Variants in BCL2L1 observed in about 807,000 individuals in gnomAD.
BCL2L1 encodes bcl-2-like protein 1.
BCL2L1 carries 1 observed loss-of-function variant against 18.7 expected under a neutral mutation model. The ratio of observed to expected loss-of-function variants is 0.05; its 90% CI spans 0.02 to 0.25. BCL2L1 has a LOEUF of 0.25. BCL2L1 is among the 10% of genes least tolerant of loss of function. The probability of loss-of-function intolerance (pLI) is 1.00; values close to 1 mark genes in which losing one functional copy is unlikely to be tolerated. For missense variants in BCL2L1, 207 were observed against 304.9 expected (o/e 0.68, Z 2.39); for synonymous variants, 103 against 122.7 (o/e 0.84, Z 1.06).
chr20:31,677,286 A>T (rs909547863), intron 2 of BCL2L1, among the ~76,000 whole-genome samples: 13 of 150,212 alleles, frequency 8.7e-5, no homozygotes, highest in Non-Finnish European at 1.5e-4. Flanking sequence ...CGTTCAAGTG[A>T]TTCTTCTGCC....
chr20:31,710,326 T>C (rs971591250), intron 2 of BCL2L1, among the ~76,000 whole-genome samples: 2 of 152,064 alleles, frequency 1.3e-5, no homozygotes, highest in Non-Finnish European at 2.9e-5. Flanking sequence ...ATCAGATCCA[T>C]AGGATGAGTG....
At position 31,721,912 on chromosome 20, in the gene BCL2L1, G is replaced by A. The variant is rs2122875603; in HGVS notation, c.307C>T (p.Arg103Trp). 1 of 1,614,150 alleles carries A rather than the reference G, an allele frequency of 6.2e-7. No individual in the cohort carries two copies. Among genetic ancestry groups the A allele is most frequent in the Non-Finnish European group, 8.5e-7 (1 of 1,180,030 alleles). ...TGGGATGTCAGGTCACTGAATGCCCGCCGGTACCGCAGTTCAAACTCGTCG... is the reference window on the plus strand; with the variant it reads ...TGGGATGTCAGGTCACTGAATGCCCACCGGTACCGCAGTTCAAACTCGTCG... Reference protein sequence around the residue: ...AGDEFELRYRRAFSDLTSQLH... With the variant: ...AGDEFELRYRWAFSDLTSQLH... The change falls in exon 2 of 3, where the codon CGG (arginine) becomes TGG (tryptophan). Residue 103 changes from arginine (R) to tryptophan (W), a missense_variant. Physicochemically the swap from Arg to Trp is moderately radical, Grantham distance 101 (BLOSUM62 -3). Coordinates refer to ENST00000307677, the MANE Select transcript of BCL2L1 (RefSeq NM_138578.3).
intron 2 of BCL2L1, among the ~76,000 whole-genome samples, chr20:31,712,054 T>C (rs1313864493): frequency 6.6e-6 from 1 of 152,072 alleles, no homozygotes; most frequent in Non-Finnish European, 1.5e-5. Flanking sequence ...GGCTTCAGAG[T>C]AAGAGAGACC....
At chr20:31,723,461 G>C, upstream of BCL2L1, 1 of 985,348 alleles carries the variant, frequency 1.0e-6, no homozygotes, top group South Asian at 4.7e-5. Context: ...TCCGGGGCCG[G>C]GGGCTGCACC....
rs1243372307 is a variant in BCL2L1 at position 31,665,901 on chromosome 20, T to C, written c.*48A>G. On this transcript the variant is annotated 3_prime_UTR_variant, in exon 3 of 3. Coordinates refer to ENST00000307677, the MANE Select transcript of BCL2L1 (RefSeq NM_138578.3). ...AATGGCGGCTGGACGGAGGATGTGG[T>C]GGAGCAGAGAAGGGGGTGGGAGGGT... The C allele has an allele frequency of 1.1e-5, 18 of 1,599,308 alleles. No individual in the cohort carries two copies. The highest frequency in any genetic ancestry group is 1.5e-5 in the Non-Finnish European group (18 of 1,171,604).
chr20:31,712,735 C>G (rs1404009771), intron 2 of BCL2L1, among the ~76,000 whole-genome samples: 1 of 152,172 alleles, frequency 6.6e-6, no homozygotes, highest in East Asian at 1.9e-4. Flanking sequence ...CACTATGTTC[C>G]TATCCCTGCC....
At chr20:31,720,458 G>T in intron 2 of BCL2L1, 1 of 859,784 alleles carries the variant, frequency 1.2e-6, no homozygotes, top group Non-Finnish European at 1.4e-6. Context: ...CTGCACCTCC[G>T]CTAGGTAGGG....
At chr20:31,705,000 C>T (rs6060812) in intron 2 of BCL2L1, among the ~76,000 whole-genome samples, 44,228 of 151,934 alleles carry the variant, frequency 0.29, 8,071 homozygotes, top group African/African-American at 0.51. Flanking sequence ...GTGGATAGAC[C>T]AAAAACTACA....
chr20:31,721,409 A>C lies in BCL2L1; in HGVS notation c.564+246T>G, dbSNP rs896603232. On this transcript the variant is annotated intron_variant, in intron 2 of 2. Transcript: ENST00000307677. The stretch of plus-strand genomic sequence containing the variant: ...GTTTTCTTTGCTGAGAAACTGGAAC[A>C]CAAGTATGGAATAGTGGAGTCATGG... The C allele has an allele frequency of 4.8e-5, 24 of 502,706 alleles. No individual in the cohort carries two copies. In the Admixed American group the frequency reaches 5.6e-4, roughly 12 times the overall value. 31.1% of individuals were successfully genotyped at this position (502,706 alleles called of 1,614,324 possible). A position where few individuals can be genotyped will look rare whatever the true frequency, so the allele number is the denominator to read the frequency against.
At chr20:31,701,930 A>C (rs980058123) in intron 2 of BCL2L1, among the ~76,000 whole-genome samples, 1 of 152,244 alleles carries the variant, frequency 6.6e-6, no homozygotes, top group Non-Finnish European at 1.5e-5. Flanking sequence ...TGATGAACAA[A>C]CCAAACGCCC....
At chr20:31,673,255 G>C (rs1263113840) in intron 2 of BCL2L1, among the ~76,000 whole-genome samples, 1 of 151,758 alleles carries the variant, frequency 6.6e-6, no homozygotes, top group African/African-American at 2.4e-5. Context: ...TGTAATTTTA[G>C]TAGAGGTGGG....
At chr20:31,723,666 G>A (rs962747669), upstream of BCL2L1, 6 of 985,446 alleles carry the variant, frequency 6.1e-6, no homozygotes, top group African/African-American at 3.5e-5. Flanking sequence ...CAGCCGGCAC[G>A]GAAGCGGGAC....
rs374887148 is a variant in BCL2L1, at chr20:31,721,687, G to A, written c.532C>T (p.Leu178=). The change falls in exon 2 of 3, where the codon CTA becomes TTA. Residue 178 remains leucine (L), a synonymous_variant. Transcript: ENST00000307677. ...AWMATYLNDH[L]EPWIQENGGW... ...CCGTTCTCCTGGATCCAAGGCTCTA[G>A]GTGGTCATTCAGGTAAGTGGCCATC... is the stretch of plus-strand genomic sequence containing the variant. 1 of 1,613,576 alleles carries A rather than the reference G, an allele frequency of 6.2e-7. No individual in the cohort carries two copies. Among genetic ancestry groups the A allele is most frequent in the Non-Finnish European group, 8.5e-7 (1 of 1,179,666 alleles).
intron 2 of BCL2L1, among the ~76,000 whole-genome samples, chr20:31,695,261 G>C (rs1261472901): frequency 1.3e-5 from 2 of 152,172 alleles, no homozygotes; most frequent in Admixed American, 6.5e-5. Context: ...ACATCAGAGA[G>C]ATCCTTCTAA....
At chr20:31,681,292 G>A (rs2060856162) in intron 2 of BCL2L1, among the ~76,000 whole-genome samples, 1 of 152,152 alleles carries the variant, frequency 6.6e-6, no homozygotes, top group Non-Finnish European at 1.5e-5. Flanking sequence ...ATATGACAGT[G>A]GCTTAGCCAC....
intron 2 of BCL2L1, among the ~76,000 whole-genome samples, chr20:31,691,482 C>G (rs2061073875): frequency 6.7e-6 from 1 of 150,326 alleles, no homozygotes; most frequent in Non-Finnish European, 1.5e-5. Context: ...CCACTGTACT[C>G]CAGCCTGGGC....
intron 2 of BCL2L1, among the ~76,000 whole-genome samples, chr20:31,707,414 T>C (rs2061383734): frequency 6.6e-6 from 1 of 152,246 alleles, no homozygotes; most frequent in Admixed American, 6.5e-5. Context: ...GTAATTACTA[T>C]ATGCTGGGCT....
At chr20:31,705,077 A>G (rs933630441) in intron 2 of BCL2L1, among the ~76,000 whole-genome samples, 2 of 152,188 alleles carry the variant, frequency 1.3e-5, no homozygotes, top group Non-Finnish European at 2.9e-5. Flanking sequence ...TTATCCAGGT[A>G]GGACAAGTTG....
At chr20:31,713,793 G>A (rs908042522) in intron 2 of BCL2L1, among the ~76,000 whole-genome samples, 1 of 152,200 alleles carries the variant, frequency 6.6e-6, no homozygotes, top group Non-Finnish European at 1.5e-5. Context: ...CATTACTATA[G>A]CCATTTACAA....
Sources: gnomAD v4.1 joint callset for allele counts (sites outside exome capture counted in the v4.1 genomes callset) on GRCh38, gnomAD v4.1.1 for gene constraint, MANE v1.5 for transcripts, NCBI Gene and HGNC (gene_info 2026-07-23, HGNC 2026-07-21) for gene names.